The following KCNH5 variants were observed in gnomAD, a reference collection of about 807,000 sequenced individuals.
KCNH5 encodes voltage-gated delayed rectifier potassium channel KCNH5.
In KCNH5, 46 loss-of-function variants were observed where a neutral mutation model predicts 96.1. The ratio of observed to expected loss-of-function variants is 0.48; its 90% CI spans 0.38 to 0.61. KCNH5 has a LOEUF of 0.61. KCNH5 is among the 20% of genes least tolerant of loss of function. The pLI, the probability that KCNH5 is intolerant of heterozygous loss-of-function variation, is 0.00. For synonymous variants in KCNH5, 439 were observed against 449.8 expected, an observed-to-expected ratio of 0.98 and a Z score of 0.30; for missense variants, 907 against 1,225.8, an observed-to-expected ratio of 0.74 and a Z score of 3.88.
At chr14:62,988,621 T>C (rs1401099049) in intron 4 of KCNH5, among the ~76,000 whole-genome samples, 2 of 151,872 alleles carry the variant, frequency 1.3e-5, no homozygotes, top group Non-Finnish European at 2.9e-5. Context: ...ATCCTAGTAA[T>C]TAGAACAAAA....
chr14:62,860,422 T>C (rs534372388), intron 7 of KCNH5, among the ~76,000 whole-genome samples: 1 of 152,342 alleles, frequency 6.6e-6, no homozygotes, highest in South Asian at 2.1e-4. Context: ...TTGCCTTGCT[T>C]ACACAGCTAC....
At chr14:62,970,915 A>G (rs1890395782) in intron 6 of KCNH5, among the ~76,000 whole-genome samples, 1 of 152,096 alleles carries the variant, frequency 6.6e-6, no homozygotes, top group African/African-American at 2.4e-5. Context: ...CATACTCAAG[A>G]ATGAAAAACT....
chr14:62,869,969 C>T (rs138225061), intron 7 of KCNH5, among the ~76,000 whole-genome samples: 13 of 151,872 alleles, frequency 8.6e-5, no homozygotes, highest in African/African-American at 1.9e-4. Flanking sequence ...AAGATTTAAA[C>T]GTAATGTCAT....
intron 6 of KCNH5, among the ~76,000 whole-genome samples, chr14:62,980,309 G>T (rs968914861): frequency 4.6e-5 from 7 of 152,116 alleles, no homozygotes; most frequent in Non-Finnish European, 8.8e-5. Context: ...AAAGCTATGA[G>T]GAAGAAACCA....
chr14:62,973,239 T>G (rs370582809), intron 6 of KCNH5, among the ~76,000 whole-genome samples: 3 of 152,316 alleles, frequency 2.0e-5, no homozygotes, highest in Admixed American at 2.0e-4. Context: ...AAAAGCAGAT[T>G]GCTTAGGACT....
chr14:62,756,026 G>A (rs72728737), intron 10 of KCNH5, among the ~76,000 whole-genome samples: 21,418 of 151,152 alleles, frequency 0.14, 1,937 homozygotes, highest in Admixed American at 0.21. Flanking sequence ...AAAACTGAAA[G>A]CCTTTCCTCT....
intron 7 of KCNH5, among the ~76,000 whole-genome samples, chr14:62,899,554 G>A (rs1037739531): frequency 1.6e-4 from 25 of 152,078 alleles, no homozygotes; most frequent in Non-Finnish European, 3.2e-4. Flanking sequence ...AATTGAGGCC[G>A]GGCGCGGTGG....
chr14:62,731,303 AAAT>A, intron 10 of KCNH5, among the ~76,000 whole-genome samples: 1 of 151,738 alleles, frequency 6.6e-6, no homozygotes, highest in East Asian at 1.9e-4. Context: ...TCCGTCTAAA[AAAT>A]AATAATAATA....
intron 7 of KCNH5, among the ~76,000 whole-genome samples, chr14:62,871,059 G>T (rs1888243785): frequency 6.6e-6 from 1 of 152,174 alleles, no homozygotes; most frequent in Non-Finnish European, 1.5e-5. Flanking sequence ...TGTTTTCACT[G>T]CAATTGAACA....
At chr14:62,971,589 C>T (rs995324312) in intron 6 of KCNH5, among the ~76,000 whole-genome samples, 6 of 151,942 alleles carry the variant, frequency 3.9e-5, no homozygotes, top group Non-Finnish European at 8.8e-5. Flanking sequence ...AAGACTGATG[C>T]TATATGACTT....
At chr14:63,044,971 T>G in intron 1 of KCNH5, 143 bp downstream of exon 1, 1 of 680,386 alleles carries the variant, frequency 1.5e-6, no homozygotes, top group Admixed American at 2.3e-5. Context: ...CCACCCCAAA[T>G]CCAGCCCAAC....
intron 8 of KCNH5, among the ~76,000 whole-genome samples, chr14:62,807,064 C>T (rs1393992241): frequency 1.3e-5 from 2 of 152,102 alleles, no homozygotes; most frequent in Non-Finnish European, 2.9e-5. Context: ...TCTGGCCTCC[C>T]TGATCATTTT....
intron 2 of KCNH5, among the ~76,000 whole-genome samples, chr14:63,007,163 T>C (rs1891142887): frequency 6.6e-6 from 1 of 152,096 alleles, no homozygotes; most frequent in South Asian, 2.1e-4. Context: ...AGCTCATCCA[T>C]ATAAATGAAG....
intron 7 of KCNH5, among the ~76,000 whole-genome samples, chr14:62,850,524 A>T (rs1595654460): frequency 6.6e-6 from 1 of 152,224 alleles, no homozygotes; most frequent in South Asian, 2.1e-4. Flanking sequence ...CATTTTAATT[A>T]AATGTAAAGT....
chr14:62,725,745 G>A (rs184679756), intron 10 of KCNH5, among the ~76,000 whole-genome samples: 2 of 152,312 alleles, frequency 1.3e-5, no homozygotes, highest in Admixed American at 1.3e-4. Context: ...ATTTGTTCAT[G>A]TATTTGTTAT....
At chr14:62,771,410 A>G (rs2139966413) in intron 10 of KCNH5, among the ~76,000 whole-genome samples, 1 of 152,256 alleles carries the variant, frequency 6.6e-6, no homozygotes, top group South Asian at 2.1e-4. Context: ...GCAGATCACA[A>G]GGTCAGGAGA....
intron 9 of KCNH5, among the ~76,000 whole-genome samples, chr14:62,792,243 T>C (rs974373598): frequency 2.0e-5 from 3 of 151,558 alleles, no homozygotes; most frequent in African/African-American, 7.2e-5. Context: ...AAAATTATCA[T>C]AAATACTAGC....
intron 8 of KCNH5, among the ~76,000 whole-genome samples, chr14:62,822,420 A>G (rs1887133880): frequency 1.3e-5 from 2 of 152,138 alleles, no homozygotes; most frequent in Non-Finnish European, 2.9e-5. Context: ...AGGGACAGAC[A>G]CATAGATCGA....
intron 7 of KCNH5, among the ~76,000 whole-genome samples, chr14:62,880,830 C>G (rs1888477317): frequency 6.6e-6 from 1 of 152,092 alleles, no homozygotes; most frequent in African/African-American, 2.4e-5. Flanking sequence ...TTGAAAAGAT[C>G]TCAGAAACAT....
Sources: gnomAD v4.1 joint callset for allele counts (sites outside exome capture counted in the v4.1 genomes callset) on GRCh38, gnomAD v4.1.1 for gene constraint, MANE v1.5 for transcripts, NCBI Gene and HGNC (gene_info 2026-07-23, HGNC 2026-07-21) for gene names.